The following GPR158 variants were observed in gnomAD, a reference collection of about 807,000 sequenced individuals.
The protein encoded by GPR158 is metabotropic glycine receptor.
GPR158 carries 30 observed loss-of-function variants against 78.2 expected under a neutral mutation model. That is an observed-to-expected ratio of 0.38 (90% CI 0.29 to 0.52). GPR158 has a LOEUF of 0.52. GPR158 is among the 20% of genes least tolerant of loss of function. The probability of loss-of-function intolerance (pLI) is 0.83; values close to 1 mark genes in which losing one functional copy is unlikely to be tolerated. For synonymous variants in GPR158, 581 were observed against 591.1 expected (o/e 0.98, Z 0.25); for missense variants, 1,463 against 1,523.5 (o/e 0.96, Z 0.66).
At chr10:25,491,429 A>G (rs1219926836) in intron 5 of GPR158, among the ~76,000 whole-genome samples, 2 of 152,200 alleles carry the variant, frequency 1.3e-5, no homozygotes, top group African/African-American at 2.4e-5. Flanking sequence ...CTGAGCCACA[A>G]TGGACTTAAA....
At chr10:25,190,251 A>G (rs1290487085) in intron 1 of GPR158, among the ~76,000 whole-genome samples, 1 of 152,210 alleles carries the variant, frequency 6.6e-6, no homozygotes, top group Non-Finnish European at 1.5e-5. Context: ...TGATTCAACT[A>G]GAAGTTGTTC....
chr10:25,217,539 C>T (rs1438286918), intron 1 of GPR158, among the ~76,000 whole-genome samples: 1 of 152,158 alleles, frequency 6.6e-6, no homozygotes, highest in East Asian at 1.9e-4. Context: ...GGAGCAATGC[C>T]AAACAGGACC....
chr10:25,461,705 A>G (rs1351333102), intron 4 of GPR158, among the ~76,000 whole-genome samples: 1 of 151,638 alleles, frequency 6.6e-6, no homozygotes, highest in Non-Finnish European at 1.5e-5. Context: ...ATAGCCCTCT[A>G]CTGGAAGAAG....
chr10:25,312,265 T>A (rs1315250983), intron 2 of GPR158, among the ~76,000 whole-genome samples: 2 of 142,494 alleles, frequency 1.4e-5, no homozygotes, highest in East Asian at 3.9e-4. Flanking sequence ...ATGACTTTGT[T>A]ATATATATAT....
chr10:25,337,396 A>G (rs1855224111), intron 2 of GPR158, among the ~76,000 whole-genome samples: 3 of 152,126 alleles, frequency 2.0e-5, no homozygotes, highest in African/African-American at 7.2e-5. Context: ...TTATGTTTAG[A>G]TCATGTAACA....
At chr10:25,411,933 C>CAAAAAAA (rs1164005677) in intron 3 of GPR158, among the ~76,000 whole-genome samples, 5 of 47,486 alleles carry the variant, frequency 1.1e-4, no homozygotes, top group Non-Finnish European at 1.1e-4. Context: ...GACTCTATCA[C>CAAAAAAA]AAAAAAAAAA....
intron 2 of GPR158, among the ~76,000 whole-genome samples, chr10:25,374,477 A>G (rs1456352317): frequency 6.6e-6 from 1 of 151,718 alleles, no homozygotes. Context: ...TTTTATCACA[A>G]ATGTAGGTTT....
chr10:25,205,792 A>G (rs1055486178), intron 1 of GPR158, among the ~76,000 whole-genome samples: 1 of 151,448 alleles, frequency 6.6e-6, no homozygotes, highest in Non-Finnish European at 1.5e-5. Context: ...GTGGTCTGAG[A>G]GTGTGTTTGG....
At chr10:25,276,026 G>A (rs1427065268) in intron 2 of GPR158, among the ~76,000 whole-genome samples, 2 of 152,102 alleles carry the variant, frequency 1.3e-5, no homozygotes, top group African/African-American at 2.4e-5. Flanking sequence ...TCCCAGGTCT[G>A]TTTCTATTTA....
chr10:25,560,700 A>G (rs1836849332), intron 6 of GPR158, among the ~76,000 whole-genome samples: 1 of 152,250 alleles, frequency 6.6e-6, no homozygotes, highest in Admixed American at 6.5e-5. Flanking sequence ...TGGGAAGTTC[A>G]TATTTACAAA....
intron 2 of GPR158, among the ~76,000 whole-genome samples, chr10:25,271,124 C>G (rs1854113076): frequency 1.3e-5 from 2 of 152,154 alleles, no homozygotes; most frequent in Admixed American, 1.3e-4. Flanking sequence ...GCTTGGATCT[C>G]TCTTTCTCCT....
chr10:25,253,028 T>G (rs958889848), intron 2 of GPR158, among the ~76,000 whole-genome samples: 13 of 152,168 alleles, frequency 8.5e-5, no homozygotes, highest in African/African-American at 2.4e-4. Context: ...GTGCCGTTTC[T>G]TAAGCCGGTC....
intron 1 of GPR158, among the ~76,000 whole-genome samples, chr10:25,195,806 G>A (rs2130648355): frequency 6.6e-6 from 1 of 152,244 alleles, no homozygotes; most frequent in East Asian, 1.9e-4. Flanking sequence ...TCCCGTGCCA[G>A]AAAATGTCTT....
At chr10:25,534,384 A>G (rs1257779746) in intron 5 of GPR158, among the ~76,000 whole-genome samples, 2 of 152,276 alleles carry the variant, frequency 1.3e-5, no homozygotes, top group African/African-American at 4.8e-5. Flanking sequence ...TCATGCCTGT[A>G]ATCCCAGCAC....
At chr10:25,223,158 T>C (rs1853323744) in intron 2 of GPR158, among the ~76,000 whole-genome samples, 1 of 152,238 alleles carries the variant, frequency 6.6e-6, no homozygotes, top group African/African-American at 2.4e-5. Flanking sequence ...GGGAACATTA[T>C]ATTTATTACA....
chr10:25,288,784 C>G (rs74126511), intron 2 of GPR158, among the ~76,000 whole-genome samples: 3 of 152,292 alleles, frequency 2.0e-5, no homozygotes, highest in African/African-American at 7.2e-5. Flanking sequence ...ATTGTAGAAG[C>G]CATTTGTTCT....
chr10:25,376,228 T>C (rs951561791), intron 2 of GPR158, among the ~76,000 whole-genome samples: 3 of 151,780 alleles, frequency 2.0e-5, no homozygotes, highest in African/African-American at 7.2e-5. Context: ...TTAGTGTTTA[T>C]AGATATAGTT....
chr10:25,196,322 C>T (rs1852843393), intron 1 of GPR158, among the ~76,000 whole-genome samples: 1 of 151,104 alleles, frequency 6.6e-6, no homozygotes, highest in Non-Finnish European at 1.5e-5. Context: ...TTCATGAACC[C>T]TTTTTTTGCT....
chr10:25,593,536 A>C (rs1234272027), intron 8 of GPR158, among the ~76,000 whole-genome samples: 1 of 152,034 alleles, frequency 6.6e-6, no homozygotes, highest in Admixed American at 6.6e-5. Context: ...TTTCTGCGTA[A>C]GGATGCATCC....
Sources: gnomAD v4.1 joint callset for allele counts (sites outside exome capture counted in the v4.1 genomes callset) on GRCh38, gnomAD v4.1.1 for gene constraint, MANE v1.5 for transcripts, NCBI Gene and HGNC (gene_info 2026-07-23, HGNC 2026-07-21) for gene names.